THSD4: variants seen among roughly 807,000 people sequenced by gnomAD.
THSD4 encodes thrombospondin type-1 domain-containing protein 4.
A neutral mutation model predicts 119.0 loss-of-function variants in THSD4; 69 were observed. The observed-to-expected ratio is 0.58, with a 90% CI of 0.48 to 0.71. The LOEUF (loss-of-function observed/expected upper bound fraction) is 0.71, where lower values mean the gene tolerates loss of function less well. THSD4 is among the 30% of genes least tolerant of loss of function. THSD4 has a pLI of 0.00. For synonymous variants in THSD4, 524 were observed against 540.4 expected (o/e 0.97, Z 0.42); for missense variants, 1,393 against 1,391.1 (o/e 1.00, Z -0.02).
chr15:71,386,972 G>T (rs899189492), intron 6 of THSD4, among the ~76,000 whole-genome samples: 1 of 152,192 alleles, frequency 6.6e-6, no homozygotes, highest in East Asian at 1.9e-4. Flanking sequence ...GCATTACACT[G>T]CTTGCTACTT....
chr15:71,386,039 A>G (rs748019653), intron 6 of THSD4, among the ~76,000 whole-genome samples: 4 of 152,230 alleles, frequency 2.6e-5, no homozygotes, highest in Non-Finnish European at 5.9e-5. Flanking sequence ...ATGTCAGAGA[A>G]GAAATCATAT....
chr15:71,466,281 C>T (rs2047498889), intron 7 of THSD4, among the ~76,000 whole-genome samples: 1 of 150,942 alleles, frequency 6.6e-6, no homozygotes, highest in African/African-American at 2.4e-5. Flanking sequence ...GGAGGCAGAG[C>T]TTGCAGTGAG....
intron 7 of THSD4, among the ~76,000 whole-genome samples, chr15:71,503,978 C>T (rs941637299): frequency 3.3e-5 from 5 of 152,160 alleles, no homozygotes; most frequent in East Asian, 1.9e-4. Flanking sequence ...GCACTCTTCA[C>T]GCAGATAGTC....
intron 7 of THSD4, among the ~76,000 whole-genome samples, chr15:71,510,855 T>G (rs1259031169): frequency 6.8e-6 from 1 of 147,566 alleles, no homozygotes; most frequent in Non-Finnish European, 1.5e-5. Context: ...TCATTCTTTT[T>G]GCTTGAATGT....
intron 7 of THSD4, among the ~76,000 whole-genome samples, chr15:71,586,012 G>T (rs1054266007): frequency 6.6e-6 from 1 of 151,900 alleles, no homozygotes; most frequent in African/African-American, 2.4e-5. Flanking sequence ...TAATTCTTTT[G>T]TAGCTCATTA....
At chr15:71,425,015 C>G (rs1005539331) in intron 7 of THSD4, among the ~76,000 whole-genome samples, 10 of 152,058 alleles carry the variant, frequency 6.6e-5, no homozygotes, top group Non-Finnish European at 5.9e-5. Flanking sequence ...CTACTCCCAT[C>G]CCCCCGAAAA....
Position 71,478,577 on chromosome 15 carries a change from T to G in THSD4, c.1152+66754T>G, listed in dbSNP as rs529774852. 2.0e-3 allele frequency among the ~76,000 whole-genome samples: 299 copies of G among 152,304 alleles called. 17 individuals are homozygous for G. In the South Asian group the frequency reaches 0.06, roughly 31 times the overall value. ...TAACCTGTTATAAAATAGTGCAGCA[T>G]TGTGAAGAGAGATTTAGACCTTGAA... On this transcript the variant is annotated intron_variant, in intron 7 of 17. Transcript: ENST00000261862.
chr15:71,264,853 T>C (rs1474883395), intron 6 of THSD4, among the ~76,000 whole-genome samples: 1 of 152,070 alleles, frequency 6.6e-6, no homozygotes, highest in Non-Finnish European at 1.5e-5. Context: ...CTTATTGTGG[T>C]TTATAAAGTT....
chr15:71,632,520 G>A (rs2050652375), intron 7 of THSD4, among the ~76,000 whole-genome samples: 1 of 152,230 alleles, frequency 6.6e-6, no homozygotes, highest in African/African-American at 2.4e-5. Flanking sequence ...TGTTGGAATT[G>A]TTAGTTTGGG....
At chr15:71,651,495 C>T (rs1429934210) in intron 7 of THSD4, among the ~76,000 whole-genome samples, 8 of 152,184 alleles carry the variant, frequency 5.3e-5, no homozygotes, top group Admixed American at 5.2e-4. Flanking sequence ...TCTCGTCCCA[C>T]TCACCCAGTC....
At chr15:71,330,572 C>G (rs780013873) in intron 6 of THSD4, among the ~76,000 whole-genome samples, 2 of 152,128 alleles carry the variant, frequency 1.3e-5, no homozygotes, top group Non-Finnish European at 2.9e-5. Flanking sequence ...ATAGTATCAG[C>G]TTTCTATAGT....
intron 6 of THSD4, among the ~76,000 whole-genome samples, chr15:71,382,703 A>G (rs2046243541): frequency 6.6e-6 from 1 of 152,160 alleles, no homozygotes; most frequent in South Asian, 2.1e-4. Flanking sequence ...TAAACTATTA[A>G]CTTTAATTTC....
chr15:71,308,470 C>A (rs922628668), intron 6 of THSD4, among the ~76,000 whole-genome samples: 4 of 113,910 alleles, frequency 3.5e-5, no homozygotes, highest in African/African-American at 1.3e-4. Context: ...GCCCTGTCTC[C>A]TTCCTTGCTT....
chr15:71,421,214 T>C (rs1206175196), intron 7 of THSD4, among the ~76,000 whole-genome samples: 2 of 83,350 alleles, frequency 2.4e-5, no homozygotes. Context: ...CCACAATTAG[T>C]GTATAATATT....
intron 7 of THSD4, among the ~76,000 whole-genome samples, chr15:71,602,553 C>CAAAAAAAAA (rs59370074): frequency 4.6e-4 from 25 of 53,858 alleles, no homozygotes; most frequent in Non-Finnish European, 5.7e-4. Context: ...AACTCTGTCT[C>CAAAAAAAAA]AAAAAAAAAA....
At chr15:71,442,245 A>T (rs1300639571) in intron 7 of THSD4, among the ~76,000 whole-genome samples, 1 of 150,760 alleles carries the variant, frequency 6.6e-6, no homozygotes, top group Admixed American at 6.6e-5. Flanking sequence ...GACATGAGCC[A>T]CCGCACCCAG....
chr15:71,550,584 C>CT (rs2048912535), intron 7 of THSD4, among the ~76,000 whole-genome samples: 1 of 152,140 alleles, frequency 6.6e-6, no homozygotes, highest in South Asian at 2.1e-4. Flanking sequence ...CTACAGGTGC[C>CT]TGCCGCCACG....
chr15:71,354,020 G>GGT (rs1338523356), intron 6 of THSD4, among the ~76,000 whole-genome samples: 1 of 152,210 alleles, frequency 6.6e-6, no homozygotes, highest in African/African-American at 2.4e-5. Context: ...GAGCCACCTG[G>GGT]GTGTGGTAGC....
At chr15:71,740,819 G>A (rs61301715) in intron 11 of THSD4, among the ~76,000 whole-genome samples, 17 of 152,244 alleles carry the variant, frequency 1.1e-4, no homozygotes, top group Admixed American at 4.6e-4. Flanking sequence ...AGTCCTGCTC[G>A]TACTCCAAGC....
Sources: allele counts gnomAD v4.1 joint callset (sites outside exome capture counted in the v4.1 genomes callset), GRCh38; gene constraint gnomAD v4.1.1; transcripts MANE v1.5; gene names NCBI Gene and HGNC (gene_info 2026-07-23, HGNC 2026-07-21).